HELZ: variants seen among roughly 807,000 people sequenced by gnomAD.
The protein encoded by HELZ is ATP-dependent RNA helicase with zinc finger domain.
HELZ carries 23 observed loss-of-function variants against 218.2 expected under a neutral mutation model. The observed-to-expected ratio is 0.11, with a 90% CI of 0.08 to 0.15. HELZ has a LOEUF of 0.15. Among genes scored for constraint, HELZ ranks in the 10% least tolerant of loss-of-function variants. HELZ has a pLI of 1.00. For synonymous variants in HELZ, 814 were observed against 829.4 expected (o/e 0.98, Z 0.32); for missense variants, 1,813 against 2,353.7 (o/e 0.77, Z 4.75).
intron 2 of HELZ, among the ~76,000 whole-genome samples, chr17:67,241,590 T>C (rs1269664792): frequency 6.6e-6 from 1 of 152,222 alleles, no homozygotes; most frequent in East Asian, 1.9e-4. Flanking sequence ...GCATCACTCC[T>C]CTTCCAGTGA....
Position 67,151,679 on chromosome 17 carries a change from T to C in HELZ, c.2178-455A>G, listed in dbSNP as rs542725267. 2.0e-5 allele frequency among the ~76,000 whole-genome samples: 3 copies of C among 152,344 alleles called. No individual in the cohort carries two copies. The South Asian group carries it at 6.2e-4, about 32-fold the overall frequency. On this transcript the variant is annotated intron_variant, in intron 17 of 32. Coordinates refer to ENST00000358691, the MANE Select transcript of HELZ (RefSeq NM_014877.4). ...ACTTATAACAGGAATTCAAAGGTTATTTTCATTTTATTTTAGAATATATTC... is the reference window on the plus strand; with the variant it reads ...ACTTATAACAGGAATTCAAAGGTTACTTTCATTTTATTTTAGAATATATTC...
chr17:67,102,704 AC>A (rs1431421863), intron 31 of HELZ, among the ~76,000 whole-genome samples: 2 of 152,210 alleles, frequency 1.3e-5, no homozygotes, highest in African/African-American at 4.8e-5. Context: ...TTACCCTAAT[AC>A]ACTGAAAATG....
intron 9 of HELZ, among the ~76,000 whole-genome samples, chr17:67,193,588 T>G (rs1331201111): frequency 6.6e-6 from 1 of 151,806 alleles, no homozygotes; most frequent in East Asian, 1.9e-4. Flanking sequence ...TGGTGGCACA[T>G]GCCTGTAATC....
In HELZ at chr17:67,224,729, T is replaced by C. The variant is rs943306055; in HGVS notation, c.-18-5907A>G. 7.9e-6 allele frequency: 8 copies of C among 1,010,708 alleles called. No homozygotes were observed. In the African/African-American group the frequency reaches 8.3e-5, roughly 10 times the overall value. 62.6% of individuals were successfully genotyped at this position (1,010,708 alleles called of 1,614,324 possible). On this transcript the variant is annotated intron_variant, in intron 3 of 32. Transcript: ENST00000358691. ...CATGCCCATAGTGCTCATGCAAACA[T>C]GGTGAACGTTGCTAAAACCCGCCGG...
chr17:67,116,508 C>T (rs1254825486), intron 27 of HELZ, among the ~76,000 whole-genome samples: 1 of 151,962 alleles, frequency 6.6e-6, no homozygotes, highest in Non-Finnish European at 1.5e-5. Flanking sequence ...CACACACACA[C>T]ACACCATGCT....
At chr17:67,234,059 A>AAAAG (rs1555629327) in intron 3 of HELZ, among the ~76,000 whole-genome samples, 1 of 148,566 alleles carries the variant, frequency 6.7e-6, no homozygotes. Context: ...AAAAAAAAAA[A>AAAAG]AGAGAGAGAG....
chr17:67,086,625 AATATAAATATATATATATATATAT>A (rs2036387260), intron 32 of HELZ, among the ~76,000 whole-genome samples, 180 bp downstream of exon 32: 1 of 38,546 alleles, frequency 2.6e-5, no homozygotes, highest in African/African-American at 1.1e-4. Flanking sequence ...AATAAATATA[AATATAAATATATATATATATATAT>A]ATATATATAT....
intron 12 of HELZ, among the ~76,000 whole-genome samples, chr17:67,182,919 G>A (rs996860117): frequency 6.6e-6 from 1 of 152,174 alleles, no homozygotes. Flanking sequence ...ACAGGACCTG[G>A]AAGGTAGATA....
chr17:67,128,103 C>T (rs1186704993), intron 24 of HELZ, among the ~76,000 whole-genome samples: 1 of 152,138 alleles, frequency 6.6e-6, no homozygotes, highest in South Asian at 2.1e-4. Flanking sequence ...GACTCCCCTG[C>T]TCCACTCCCT....
chr17:67,204,859 G>C (rs1349494466), intron 5 of HELZ, among the ~76,000 whole-genome samples: 2 of 152,058 alleles, frequency 1.3e-5, no homozygotes, highest in Non-Finnish European at 2.9e-5. Context: ...AGAATGTCTT[G>C]AGTGTCTTAT....
rs537745917 is a variant in HELZ, at chr17:67,123,863, G to C, written c.3439+100C>G. On this transcript the variant is annotated intron_variant, in intron 25 of 32. Coordinates refer to ENST00000358691, the MANE Select transcript of HELZ (RefSeq NM_014877.4). ...TGTGTGTGTCAGAGAGAAAGAGAGAGAGAAACCATCTCCCCACCCTCCTCT... is the reference window on the plus strand; with the variant it reads ...TGTGTGTGTCAGAGAGAAAGAGAGACAGAAACCATCTCCCCACCCTCCTCT... The C allele has an allele frequency of 7.5e-6, 6 of 795,954 alleles. No homozygotes were observed. The African/African-American group carries it at 8.5e-5, about 11-fold the overall frequency. The allele number at this position is 795,954 out of a possible 1,614,324, so 49.3% of individuals were successfully genotyped here. A position where few individuals can be genotyped will look rare whatever the true frequency, so the allele number is the denominator to read the frequency against.
intron 12 of HELZ, among the ~76,000 whole-genome samples, chr17:67,180,012 G>A (rs2039563729): frequency 6.6e-6 from 1 of 152,122 alleles, no homozygotes; most frequent in Non-Finnish European, 1.5e-5. Flanking sequence ...CATTCACCAA[G>A]ATTAATGTCT....
intron 3 of HELZ, among the ~76,000 whole-genome samples, chr17:67,221,601 A>G (rs1005797986): frequency 6.6e-6 from 1 of 152,208 alleles, no homozygotes; most frequent in Non-Finnish European, 1.5e-5. Flanking sequence ...CTCCAGCTGC[A>G]TAGCCTGGGG....
At chr17:67,083,886 A>G (rs1445240159) in intron 32 of HELZ, among the ~76,000 whole-genome samples, 1 of 152,232 alleles carries the variant, frequency 6.6e-6, no homozygotes, top group Non-Finnish European at 1.5e-5. Flanking sequence ...TTCAGTGTCA[A>G]AACGGGAAAT....
intron 31 of HELZ, among the ~76,000 whole-genome samples, chr17:67,100,935 C>A (rs930219398): frequency 6.6e-6 from 1 of 151,692 alleles, no homozygotes; most frequent in African/African-American, 2.4e-5. Context: ...CCCGTCTCTA[C>A]TAAAAATATT....
chr17:67,208,457 G>A (rs1452643114), intron 5 of HELZ, among the ~76,000 whole-genome samples: 1 of 152,050 alleles, frequency 6.6e-6, no homozygotes, highest in African/African-American at 2.4e-5. Flanking sequence ...GTAATAACTG[G>A]GGGAAAGTAG....
At chr17:67,216,377 CGCAGGTATG>C (rs1567900061) in intron 4 of HELZ, among the ~76,000 whole-genome samples, 1 of 152,150 alleles carries the variant, frequency 6.6e-6, no homozygotes, top group Admixed American at 6.5e-5. Flanking sequence ...CAGCCGCCTA[CGCAGGTATG>C]GCACTCCAGC....
At chr17:67,241,777 C>A (rs1162215964) in intron 2 of HELZ, among the ~76,000 whole-genome samples, 1 of 152,182 alleles carries the variant, frequency 6.6e-6, no homozygotes, top group Non-Finnish European at 1.5e-5. Context: ...AGCTTCCCAG[C>A]CAAAAGGACA....
At chr17:67,171,676 A>G (rs1342698785) in intron 13 of HELZ, among the ~76,000 whole-genome samples, 3 of 152,312 alleles carry the variant, frequency 2.0e-5, no homozygotes, top group African/African-American at 7.2e-5. Context: ...TATAGCTCTG[A>G]GGACAGAGTT....
Sources: gnomAD v4.1 joint callset for allele counts (sites outside exome capture counted in the v4.1 genomes callset) on GRCh38, gnomAD v4.1.1 for gene constraint, MANE v1.5 for transcripts, NCBI Gene and HGNC (gene_info 2026-07-23, HGNC 2026-07-21) for gene names.